Variants in NEBL observed in about 807,000 individuals in gnomAD.
NEBL encodes nebulette, also known as LIM and SH3 protein 2.
Under a neutral mutation model 140.2 loss-of-function variants are expected in NEBL, and 122 were observed. That is an observed-to-expected ratio of 0.87 (90% CI 0.75 to 1.01). NEBL has a LOEUF of 1.01. Ranked by LOEUF, NEBL falls within the 50% of genes least tolerant of loss-of-function variation. The probability of loss-of-function intolerance (pLI) is 0.00; values close to 1 mark genes in which losing one functional copy is unlikely to be tolerated. For missense variants in NEBL, 1,365 were observed against 1,231.3 expected (o/e 1.11, Z -1.62); for synonymous variants, 436 against 398.9 (o/e 1.09, Z -1.11).
At chr10:21,015,943 A>G (rs1193321949) in intron 3 of NEBL, among the ~76,000 whole-genome samples, 1 of 152,264 alleles carries the variant, frequency 6.6e-6, no homozygotes, top group Admixed American at 6.5e-5. Context: ...ACTTTCCTAA[A>G]GAAAATGAGA....
At chr10:21,209,646 AC>A (rs1322625984) in intron 3 of NEBL, among the ~76,000 whole-genome samples, 37 of 132,668 alleles carry the variant, frequency 2.8e-4, no homozygotes, top group African/African-American at 1.1e-3. Context: ...TAGGCACCTG[AC>A]CTTTTTTTTT....
intron 3 of NEBL, among the ~76,000 whole-genome samples, chr10:20,982,808 G>A (rs1837106839): frequency 6.6e-6 from 1 of 151,990 alleles, no homozygotes; most frequent in Non-Finnish European, 1.5e-5. Flanking sequence ...GTTTAGTAAT[G>A]TCTATTAAAA....
intron 1 of NEBL, among the ~76,000 whole-genome samples, chr10:21,281,264 C>T (rs1842988626): frequency 6.6e-6 from 1 of 152,098 alleles, no homozygotes; most frequent in South Asian, 2.1e-4. Context: ...TAGTGAGCTT[C>T]CAGCACAAAA....
chr10:21,119,754 T>C (rs1838444958), intron 2 of NEBL, among the ~76,000 whole-genome samples: 1 of 152,070 alleles, frequency 6.6e-6, no homozygotes, highest in South Asian at 2.1e-4. Context: ...TCATTATCTA[T>C]TATATAGTCC....
intron 2 of NEBL, among the ~76,000 whole-genome samples, chr10:21,169,998 C>T (rs927691313): frequency 2.6e-5 from 4 of 152,154 alleles, no homozygotes; most frequent in African/African-American, 9.7e-5. Context: ...TCTGGGCACT[C>T]ATCACTATCA....
Position 21,054,831 on chromosome 10 carries a change from C to T in NEBL, c.165-34630G>A, listed in dbSNP as rs80254866. On this transcript the variant is annotated intron_variant, in intron 2 of 6. Transcript: ENST00000417816. ...AGGCATACAGTACAATCATAGTATC[C>T]AAAAATGCCCAAATTTTTCAATTTC... Among the ~76,000 whole-genome samples the T allele has an allele frequency of 8.4e-3, 1,284 of 152,190 alleles. 12 individuals carry two copies. Among genetic ancestry groups the T allele is most frequent in the African/African-American group, 0.029 (1,191 of 41,504 alleles).
rs192114818 is a variant in NEBL at position 20,829,439 on chromosome 10, G to C, written c.1672-805C>G. ...CATCACACTCTGGGGACTGTTGTGGGGTAGGGGGAGGGGGGAGGGATAGCA... is the reference window on the plus strand; with the variant it reads ...CATCACACTCTGGGGACTGTTGTGGCGTAGGGGGAGGGGGGAGGGATAGCA... On this transcript the variant is annotated intron_variant, in intron 16 of 27. Transcript: ENST00000377122. Among the ~76,000 whole-genome samples the C allele has an allele frequency of 2.0e-5, 3 of 148,588 alleles. No individual in the cohort carries two copies. In the Admixed American group the frequency reaches 2.0e-4, roughly 10 times the overall value.
At chr10:20,983,245 A>C (rs1228076725) in intron 3 of NEBL, among the ~76,000 whole-genome samples, 1 of 152,246 alleles carries the variant, frequency 6.6e-6, no homozygotes, top group Non-Finnish European at 1.5e-5. Flanking sequence ...CATTCCAGAG[A>C]ATTGCCTGGA....
At chr10:21,196,490 G>A (rs1039013256) in intron 3 of NEBL, among the ~76,000 whole-genome samples, 1 of 151,434 alleles carries the variant, frequency 6.6e-6, no homozygotes, top group African/African-American at 2.4e-5. Flanking sequence ...GATTACAGGC[G>A]CCCATCACTA....
At chr10:21,183,418 G>A (rs953659951) in intron 3 of NEBL, among the ~76,000 whole-genome samples, 10 of 152,112 alleles carry the variant, frequency 6.6e-5, no homozygotes, top group African/African-American at 2.4e-4. Context: ...CACAGATGCA[G>A]GGACCTCTCA....
intron 3 of NEBL, among the ~76,000 whole-genome samples, chr10:21,247,492 C>A (rs1842533116): frequency 6.6e-6 from 1 of 152,134 alleles, no homozygotes; most frequent in South Asian, 2.1e-4. Flanking sequence ...TAGGGCAGCT[C>A]CAGGATTGAT....
At position 21,169,079 on chromosome 10, in the gene NEBL, T is replaced by A. The variant is rs1378286103; in HGVS notation, c.164+3304A>T. Among the ~76,000 whole-genome samples, 362 of 64,732 alleles carry A rather than the reference T, an allele frequency of 5.6e-3. 4 individuals are homozygous for A. The highest frequency in any genetic ancestry group is 0.016 in the East Asian group (27 of 1,706). The allele number at this position is 64,732 out of a possible 152,430, so 42.5% of individuals were successfully genotyped here. ...AAAAAAAAAAAAAAATATATATATA[T>A]ATATATATATATATATATATATATA... On this transcript the variant is annotated intron_variant, in intron 2 of 6. Transcript: ENST00000417816.
chr10:20,859,679 T>C (rs748749393), intron 8 of NEBL, 34 bp downstream of exon 8: 6 of 1,374,696 alleles, frequency 4.4e-6, no homozygotes, highest in Non-Finnish European at 5.2e-6. Flanking sequence ...AATCAAAAGA[T>C]TTTGAAAATA....
intron 4 of NEBL, among the ~76,000 whole-genome samples, chr10:20,957,141 GC>G (rs1396194579): frequency 6.6e-6 from 1 of 152,068 alleles, no homozygotes; most frequent in Non-Finnish European, 1.5e-5. Context: ...TCTTTTAATA[GC>G]CCATAGACAC....
chr10:21,277,965 T>C, intron 1 of NEBL, among the ~76,000 whole-genome samples: 1 of 152,194 alleles, frequency 6.6e-6, no homozygotes, highest in Non-Finnish European at 1.5e-5. Flanking sequence ...CTGTTGTCTA[T>C]ATTCAATGAC....
intron 2 of NEBL, among the ~76,000 whole-genome samples, chr10:21,141,055 T>C (rs1319301244): frequency 8.4e-6 from 1 of 118,516 alleles, no homozygotes; most frequent in Non-Finnish European, 1.6e-5. Context: ...ACAAGAGGTA[T>C]TCGACAAAAA....
chr10:21,182,323 ATAAC>A (rs749501924), intron 3 of NEBL, among the ~76,000 whole-genome samples: 5 of 152,078 alleles, frequency 3.3e-5, no homozygotes, highest in Non-Finnish European at 5.9e-5. Context: ...AAAAATAATA[ATAAC>A]TAACTAGGTG....
chr10:21,065,932 T>A (rs147079437), intron 2 of NEBL, among the ~76,000 whole-genome samples: 1 of 152,334 alleles, frequency 6.6e-6, no homozygotes, highest in East Asian at 1.9e-4. Context: ...TTTCTAGTCT[T>A]ACCACCAGCA....
intron 3 of NEBL, among the ~76,000 whole-genome samples, chr10:20,984,266 T>C (rs1382612732): frequency 6.6e-6 from 1 of 152,230 alleles, no homozygotes; most frequent in African/African-American, 2.4e-5. Flanking sequence ...ACTATCGTGA[T>C]GTTATCTCAA....
Sources: gnomAD v4.1 joint callset for allele counts (sites outside exome capture counted in the v4.1 genomes callset) on GRCh38, gnomAD v4.1.1 for gene constraint, MANE v1.5 for transcripts, NCBI Gene and HGNC (gene_info 2026-07-23, HGNC 2026-07-21) for gene names.